The following AGBL2 variants were observed in gnomAD, a reference collection of about 807,000 sequenced individuals.
AGBL2 encodes the protein AGBL carboxypeptidase 2, also known as cytosolic carboxypeptidase 2.
A neutral mutation model predicts 103.0 loss-of-function variants in AGBL2; 87 were observed. The observed-to-expected ratio is 0.84, with a 90% CI of 0.71 to 1.01. AGBL2 has a LOEUF of 1.01. Among genes scored for constraint, AGBL2 ranks in the 50% least tolerant of loss-of-function variants. AGBL2 has a pLI of 0.00. For missense variants in AGBL2, 904 were observed against 1,023.5 expected (o/e 0.88, Z 1.59); for synonymous variants, 335 against 356.7 (o/e 0.94, Z 0.69).
chr11:47,708,751 T>G (rs1599106750), intron 4 of AGBL2, among the ~76,000 whole-genome samples: 3 of 150,324 alleles, frequency 2.0e-5, no homozygotes. Flanking sequence ...GAGGCGGAGG[T>G]TGTAGTGAGC....
chr11:47,690,027 G>A, intron 10 of AGBL2, 49 bp downstream of exon 10: 1 of 1,507,356 alleles, frequency 6.6e-7, no homozygotes, highest in Non-Finnish European at 9.0e-7. Context: ...GATATCTGGT[G>A]CTAGGACTCA....
In AGBL2 at chr11:47,666,965, C is replaced by G. The variant is rs1027498686; in HGVS notation, c.2439G>C (p.Arg813Ser). 1.7e-5 allele frequency: 27 copies of G among 1,610,096 alleles called. No homozygotes were observed. Among genetic ancestry groups the G allele is most frequent in the Non-Finnish European group, 2.3e-5 (27 of 1,177,054 alleles). Residue 813 changes from arginine (R) to serine (S), a missense_variant, in exon 17 of 19, where the codon AGG becomes AGC. Coordinates refer to ENST00000525123, the MANE Select transcript of AGBL2 (RefSeq NM_024783.4). The stretch of plus-strand genomic sequence containing the variant: ...AAAACAAAAATACTACCTCATTTAA[C>G]CTTGGGTTTTCATTTTTCATTGGTA... ...SFLPMKNENP[R>S]LNETNLNRRD...
At position 47,705,847 on chromosome 11, in the gene AGBL2, G is replaced by A; in HGVS notation, c.286+17C>T. On this transcript the variant is annotated intron_variant, in intron 5 of 18. Coordinates refer to ENST00000525123, the MANE Select transcript of AGBL2 (RefSeq NM_024783.4). Reference sequence around the variant, plus strand: ...AAAAGGAGCTTGAATCTTCTGGTCTGGAAGGACATGAAATACCTCTGTTGA... The same window carrying A: ...AAAAGGAGCTTGAATCTTCTGGTCTAGAAGGACATGAAATACCTCTGTTGA... 2 of 1,612,074 alleles carry A rather than the reference G, an allele frequency of 1.2e-6. No homozygotes were observed. Among genetic ancestry groups the A allele is most frequent in the Non-Finnish European group, 1.7e-6 (2 of 1,178,204 alleles).
chr11:47,697,055 A>C (rs1315520337), intron 8 of AGBL2, among the ~76,000 whole-genome samples: 1 of 150,890 alleles, frequency 6.6e-6, no homozygotes, highest in African/African-American at 2.4e-5. Flanking sequence ...CAGCCCCCCA[A>C]GTAGCTGGGA....
chr11:47,702,315 A>G (rs1377849420), intron 7 of AGBL2, among the ~76,000 whole-genome samples: 3 of 151,922 alleles, frequency 2.0e-5, no homozygotes, highest in Non-Finnish European at 2.9e-5. Context: ...TCTTAATTGG[A>G]TCATTTCGAA....
At chr11:47,668,775 A>G (rs2097348536) in intron 15 of AGBL2, 66 bp downstream of exon 15, 1 of 1,265,466 alleles carries the variant, frequency 7.9e-7, no homozygotes, top group Non-Finnish European at 1.2e-6. Flanking sequence ...ATTCCAACAA[A>G]TTGTCTGGTA....
intron 4 of AGBL2, among the ~76,000 whole-genome samples, chr11:47,707,352 A>G (rs2097524190): frequency 6.6e-6 from 1 of 152,200 alleles, no homozygotes; most frequent in Non-Finnish European, 1.5e-5. Flanking sequence ...GCAATTTACA[A>G]AAGAAAGAGG....
chr11:47,672,499 G>A (rs991333231), intron 14 of AGBL2, among the ~76,000 whole-genome samples: 11 of 152,032 alleles, frequency 7.2e-5, no homozygotes, highest in Non-Finnish European at 1.5e-4. Flanking sequence ...ATTTCTTGTA[G>A]AGATAGGGTT....
chr11:47,685,605 A>G (rs1275576106), intron 11 of AGBL2, among the ~76,000 whole-genome samples: 3 of 151,826 alleles, frequency 2.0e-5, no homozygotes, highest in African/African-American at 7.3e-5. Flanking sequence ...TATTTTTAAT[A>G]GAGATGGGGT....
At chr11:47,662,990 G>A in intron 18 of AGBL2, 36 bp downstream of exon 18, 3 of 1,429,432 alleles carry the variant, frequency 2.1e-6, no homozygotes, top group African/African-American at 1.4e-5. Flanking sequence ...ATTAATCACT[G>A]GCATATAAGT....
chr11:47,680,386 G>A (rs565604454), intron 12 of AGBL2, among the ~76,000 whole-genome samples: 71 of 152,052 alleles, frequency 4.7e-4, no homozygotes, highest in African/African-American at 1.6e-3. Flanking sequence ...GCGTGAATCC[G>A]GGAGGTGGAG....
chr11:47,713,157 TG>T (rs2097540372), intron 3 of AGBL2, among the ~76,000 whole-genome samples: 1 of 151,526 alleles, frequency 6.6e-6, no homozygotes, highest in African/African-American at 2.4e-5. Context: ...CTGGCCAACA[TG>T]TTGAAACCCC....
chr11:47,678,335 A>ATTTTTTTTTTTTTTTTTTTTTTTTTT (rs771416947), intron 13 of AGBL2, among the ~76,000 whole-genome samples: 2 of 67,786 alleles, frequency 3.0e-5, no homozygotes, highest in Non-Finnish European at 3.2e-5. Context: ...ATTTTATTTT[A>ATTTTTTTTTTTTTTTTTTTTTTTTTT]TTATTTTATT....
Position 47,690,186 on chromosome 11 carries a change from A to G in AGBL2, c.1521T>C (p.Ile507=). The G allele has an allele frequency of 6.2e-7, 1 of 1,614,152 alleles. No individual in the cohort carries two copies. The highest frequency in any genetic ancestry group is 1.7e-5 in the Admixed American group (1 of 59,994). ...CCAAGGAACACCGATAATTCCCCACAATCACACCATCTGGATTTAACATGG... is the reference window on the plus strand; with the variant it reads ...CCAAGGAACACCGATAATTCCCCACGATCACACCATCTGGATTTAACATGG... ...VLPMLNPDGV[I]VGNYRCSLAG... The change falls in exon 10 of 19, where the codon ATT becomes ATC. Residue 507 remains isoleucine, a synonymous_variant. Transcript: ENST00000525123.
At position 47,714,293 on chromosome 11, in the gene AGBL2, A is replaced by G. The variant is rs1340527956; in HGVS notation, c.88T>C (p.Tyr30His). 1 of 1,612,452 alleles carries G rather than the reference A, an allele frequency of 6.2e-7. No homozygotes were observed. Among genetic ancestry groups the G allele is most frequent in the South Asian group, 1.1e-5 (1 of 91,024 alleles). ...FMYRHLQYYG[Y>H]FKAQRGSLPN... ...AAGAACATGGTATTACCTTTAAAGT[A>G]GCCATAATATTGGAGGTGACGGTAC... is the stretch of plus-strand genomic sequence containing the variant. Residue 30 changes from tyrosine (Y) to histidine (H), a missense_variant, in exon 3 of 19, where the codon TAC becomes CAC. Physicochemically the swap from Tyr to His is moderately conservative, Grantham distance 83 (BLOSUM62 2). Transcript: ENST00000525123.
intron 14 of AGBL2, among the ~76,000 whole-genome samples, chr11:47,672,648 G>A (rs1411348485): frequency 6.6e-6 from 1 of 152,078 alleles, no homozygotes; most frequent in Non-Finnish European, 1.5e-5. Flanking sequence ...TTTGGAGAGG[G>A]GTTGGTGCAG....
intron 1 of AGBL2, chr11:47,714,965 G>A (rs985502331): frequency 2.8e-6 from 1 of 363,468 alleles, no homozygotes; most frequent in Admixed American, 4.2e-5. Flanking sequence ...CCCTTTCCCT[G>A]AGAAAGGAGA....
intron 7 of AGBL2, among the ~76,000 whole-genome samples, chr11:47,703,093 G>A (rs1262006941): frequency 6.6e-6 from 1 of 151,858 alleles, no homozygotes; most frequent in South Asian, 2.1e-4. Context: ...CCACCATTCC[G>A]ACAAGAAAAC....
chr11:47,677,425 AT>A (rs2097379850), intron 13 of AGBL2, 24 bp from the exon 14 acceptor site: 1 of 1,406,702 alleles, frequency 7.1e-7, no homozygotes, highest in Non-Finnish European at 9.3e-7. Context: ...AAAAAGAACT[AT>A]TTTGTTAATT....
Sources: gnomAD v4.1 joint callset for allele counts (sites outside exome capture counted in the v4.1 genomes callset) on GRCh38, gnomAD v4.1.1 for gene constraint, MANE v1.5 for transcripts, NCBI Gene and HGNC (gene_info 2026-07-23, HGNC 2026-07-21) for gene names.